CCBE1: variants seen among roughly 807,000 people sequenced by gnomAD.
CCBE1 encodes the protein collagen and calcium-binding EGF domain-containing protein 1.
A neutral mutation model predicts 50.0 loss-of-function variants in CCBE1; 37 were observed. That is an observed-to-expected ratio of 0.74 (90% CI 0.57 to 0.97). The LOEUF (loss-of-function observed/expected upper bound fraction) is 0.97, where lower values mean the gene tolerates loss of function less well. Ranked by LOEUF, CCBE1 falls within the 50% of genes least tolerant of loss-of-function variation. The pLI is 0.00. For synonymous variants in CCBE1, 234 were observed against 203.7 expected (o/e 1.15, Z -1.27); for missense variants, 538 against 523.8 (o/e 1.03, Z -0.26).
intron 1 of CCBE1, 138 bp from the exon 2 acceptor site, chr18:59,696,847 G>C (rs1343467401): frequency 5.3e-6 from 5 of 944,992 alleles, no homozygotes; most frequent in Non-Finnish European, 8.3e-6. Context: ...GTCCCCAAAC[G>C]CGTACGCGGG....
At chr18:59,638,060 T>C (rs1375141509) in intron 2 of CCBE1, among the ~76,000 whole-genome samples, 2 of 152,268 alleles carry the variant, frequency 1.3e-5, no homozygotes, top group South Asian at 2.1e-4. Context: ...TTTAGGAACA[T>C]AGATATAAAA....
intron 2 of CCBE1, among the ~76,000 whole-genome samples, chr18:59,586,737 C>CCT (rs1321898623): frequency 6.6e-6 from 1 of 152,110 alleles, no homozygotes. Flanking sequence ...ACTGTGCACC[C>CCT]CTCATAGACA....
chr18:59,499,882 G>C (rs1268584310), intron 2 of CCBE1, among the ~76,000 whole-genome samples: 1 of 152,158 alleles, frequency 6.6e-6, no homozygotes, highest in African/African-American at 2.4e-5. Context: ...GAACAAGAAG[G>C]GTCTTCCAAA....
At chr18:59,521,421 TG>T (rs1228624879) in intron 2 of CCBE1, among the ~76,000 whole-genome samples, 1 of 152,202 alleles carries the variant, frequency 6.6e-6, no homozygotes, top group African/African-American at 2.4e-5. Flanking sequence ...ATTCTTTGTT[TG>T]TTTTTTGTTT....
At chr18:59,497,456 C>G (rs531264616) in intron 2 of CCBE1, among the ~76,000 whole-genome samples, 1 of 152,276 alleles carries the variant, frequency 6.6e-6, no homozygotes, top group South Asian at 2.1e-4. Flanking sequence ...CTCAGCCCAT[C>G]AAAAATTACC....
At position 59,454,894 on chromosome 18, in the gene CCBE1, T is replaced by C. The variant is rs560979071; in HGVS notation, c.611A>G (p.Glu204Gly). The C allele has an allele frequency of 1.9e-6, 3 of 1,614,230 alleles. No homozygotes were observed. In the South Asian group the frequency reaches 3.3e-5, roughly 18 times the overall value. Residue 204 changes from glutamate to glycine, a missense_variant, in exon 6 of 11, where the codon GAG becomes GGG. Transcript: ENST00000439986. Reference protein sequence around the residue: ...KAGTCCATCKEFYQMKQTVLQ... With the variant: ...KAGTCCATCKGFYQMKQTVLQ... Reference sequence around the variant, plus strand: ...CACGGTCTGCTTCATCTGGTAGAACTCCTTGCATGTGGCACAGCAAGTTCC... The same window carrying C: ...CACGGTCTGCTTCATCTGGTAGAACCCCTTGCATGTGGCACAGCAAGTTCC...
At chr18:59,559,020 A>G (rs940557860) in intron 2 of CCBE1, among the ~76,000 whole-genome samples, 4 of 151,828 alleles carry the variant, frequency 2.6e-5, no homozygotes, top group South Asian at 2.1e-4. Flanking sequence ...GGATCTGACA[A>G]TTGGTGATGA....
rs886054058 is a variant in CCBE1 at position 59,433,891 on chromosome 18, C to T, written c.*2017G>A. 2 of 70,066 alleles carry T rather than the reference C, an allele frequency of 2.9e-5. No homozygotes were observed. Among genetic ancestry groups the T allele is most frequent in the Non-Finnish European group, 4.9e-5 (2 of 40,546 alleles). 4.3% of individuals were successfully genotyped at this position (70,066 alleles called of 1,614,324 possible). ...ACAGGCATGAGCCACCAAGCCCGGCCTTTTTTTTTTTTTTTTTTTTTTTTT... is the reference window on the plus strand; with the variant it reads ...ACAGGCATGAGCCACCAAGCCCGGCTTTTTTTTTTTTTTTTTTTTTTTTTT... On this transcript the variant is annotated 3_prime_UTR_variant, in exon 11 of 11. Transcript: ENST00000439986.
chr18:59,551,025 A>AAAAAAAG (rs1915905215), intron 2 of CCBE1, among the ~76,000 whole-genome samples: 3 of 114,850 alleles, frequency 2.6e-5, no homozygotes, highest in Admixed American at 9.6e-5. Context: ...AAAAAAAAAA[A>AAAAAAAG]AAAAGAAAAG....
chr18:59,469,644 G>A (rs746672518), intron 3 of CCBE1, 37 bp from the exon 4 acceptor site: 2 of 1,613,004 alleles, frequency 1.2e-6, no homozygotes, highest in South Asian at 2.2e-5. Flanking sequence ...TCAACTACAG[G>A]AGGAGGCGGA....
intron 2 of CCBE1, among the ~76,000 whole-genome samples, chr18:59,507,768 T>C (rs545677791): frequency 3.7e-4 from 56 of 152,364 alleles, no homozygotes; most frequent in African/African-American, 1.3e-3. Context: ...GCAGTCAACA[T>C]TTCCTTTGTG....
At chr18:59,595,035 C>G (rs1166249226) in intron 2 of CCBE1, among the ~76,000 whole-genome samples, 1 of 150,946 alleles carries the variant, frequency 6.6e-6, no homozygotes, top group South Asian at 2.1e-4. Context: ...TCCCTTGAAC[C>G]CGGGAGATGG....
chr18:59,659,218 A>G (rs111561815), intron 2 of CCBE1, among the ~76,000 whole-genome samples: 8 of 152,170 alleles, frequency 5.3e-5, no homozygotes, highest in East Asian at 1.9e-4. Context: ...GAGAAATTGT[A>G]TAAGGAAATG....
chr18:59,581,949 G>C (rs1374435757), intron 2 of CCBE1, among the ~76,000 whole-genome samples: 1 of 152,126 alleles, frequency 6.6e-6, no homozygotes, highest in African/African-American at 2.4e-5. Context: ...TCTTGTTGCT[G>C]ACAATCCTAA....
chr18:59,499,124 A>G (rs1352102679), intron 2 of CCBE1, among the ~76,000 whole-genome samples: 1 of 152,210 alleles, frequency 6.6e-6, no homozygotes, highest in Non-Finnish European at 1.5e-5. Context: ...CCTTCATTTA[A>G]TTCTAGGGAA....
intron 2 of CCBE1, among the ~76,000 whole-genome samples, chr18:59,512,231 GTGCC>G (rs1465325006): frequency 1.3e-5 from 2 of 152,196 alleles, no homozygotes; most frequent in Non-Finnish European, 2.9e-5. Context: ...CCCTGGGCCT[GTGCC>G]CAGGGTCTAA....
intron 2 of CCBE1, among the ~76,000 whole-genome samples, chr18:59,595,401 C>T (rs1290946830): frequency 6.6e-6 from 1 of 152,122 alleles, no homozygotes; most frequent in Non-Finnish European, 1.5e-5. Flanking sequence ...TCAGTTTCCT[C>T]ATCTGAGAAA....
chr18:59,532,049 T>C (rs191569914), intron 2 of CCBE1, among the ~76,000 whole-genome samples: 14 of 152,324 alleles, frequency 9.2e-5, no homozygotes, highest in Non-Finnish European at 1.9e-4. Context: ...TGACCGTCTA[T>C]GTATCTCTAC....
chr18:59,612,840 TTGTTTTTG>T lies in CCBE1; in HGVS notation c.212+83781_212+83788del, dbSNP rs1568234105. 6.8e-3 allele frequency among the ~76,000 whole-genome samples: 370 copies of T among 54,316 alleles called. 15 individuals carry two copies. The highest frequency in any genetic ancestry group is 0.019 in the African/African-American group (327 of 16,984). 35.6% of individuals were successfully genotyped at this position (54,316 alleles called of 152,430 possible). On this transcript the variant is annotated intron_variant, in intron 2 of 10. Transcript: ENST00000439986. ...GTTTTTTTTTTGTTTTTTTTTGTTT[TTGTTTTTG>T]TTTTTTTTAATGTCTGTTAGATGGC...
Sources: gnomAD v4.1 joint callset for allele counts (sites outside exome capture counted in the v4.1 genomes callset) on GRCh38, gnomAD v4.1.1 for gene constraint, MANE v1.5 for transcripts, NCBI Gene and HGNC (gene_info 2026-07-23, HGNC 2026-07-21) for gene names.